The following ANKRD18B variants were observed in gnomAD, a reference collection of about 807,000 sequenced individuals.
ANKRD18B encodes the protein ankyrin repeat domain 18B, also known as ankyrin repeat domain-containing protein 18B.
A neutral mutation model predicts 111.8 loss-of-function variants in ANKRD18B; 75 were observed. That is an observed-to-expected ratio of 0.67 (90% CI 0.56 to 0.81). The LOEUF (loss-of-function observed/expected upper bound fraction) is 0.81. Ranked by LOEUF, ANKRD18B falls within the 40% of genes least tolerant of loss-of-function variation. The pLI, the probability that ANKRD18B is intolerant of heterozygous loss-of-function variation, is 0.00. For synonymous variants in ANKRD18B, 356 were observed against 417.3 expected, an observed-to-expected ratio of 0.85 and a Z score of 1.79; for missense variants, 1,038 against 1,225.5, an observed-to-expected ratio of 0.85 and a Z score of 2.28.
chr9:33,532,358 G>A (rs1733453477), intron 3 of ANKRD18B, among the ~76,000 whole-genome samples: 1 of 151,784 alleles, frequency 6.6e-6, no homozygotes, highest in Non-Finnish European at 1.5e-5. Flanking sequence ...TTTATATTTT[G>A]CCTAAAGTAA....
chr9:33,531,188 T>C (rs1012315487), intron 3 of ANKRD18B, among the ~76,000 whole-genome samples: 4 of 152,214 alleles, frequency 2.6e-5, no homozygotes, highest in African/African-American at 4.8e-5. Context: ...GAAAATTATA[T>C]ACACATAGAT....
intron 11 of ANKRD18B, 149 bp from the exon 12 acceptor site, chr9:33,550,281 G>C (rs1168509445): frequency 2.4e-6 from 2 of 849,500 alleles, no homozygotes; most frequent in Non-Finnish European, 3.5e-6. Flanking sequence ...ACTGAATTCA[G>C]TAATAAAGAA....
chr9:33,548,721 A>G lies in ANKRD18B; in HGVS notation c.1933A>G (p.Ile645Val). ...RKEGDNKEIV[I>V]NIHRDCLENG... ...GGAAGGTGATAATAAAGAGATAGTC[A>G]TTAATATCCACAGAGACTGTCTTGA... is the stretch of plus-strand genomic sequence containing the variant. The change falls in exon 11 of 19, where the codon ATT (isoleucine) becomes GTT (valine). Residue 645 changes from isoleucine (I) to valine (V), a missense_variant. Ile to Val is a conservative substitution (Grantham distance 29). Around this residue, in one of 4 missense-constraint regions of ANKRD18B, gnomAD observed 524 missense variants for 677.9 expected, o/e 0.77. Coordinates refer to ENST00000684830, the MANE Select transcript of ANKRD18B (RefSeq NM_001393611.1). 4 of 1,551,186 alleles carry G rather than the reference A, an allele frequency of 2.6e-6. No homozygotes were observed. Among genetic ancestry groups the G allele is most frequent in the Non-Finnish European group, 3.5e-6 (4 of 1,146,616 alleles).
Position 33,546,491 on chromosome 9 carries a change from A to T in ANKRD18B, c.1150-1447A>T, listed in dbSNP as rs7027301. 5.1e-3 allele frequency among the ~76,000 whole-genome samples: 781 copies of T among 152,224 alleles called. 8 individuals carry two copies. The highest frequency in any genetic ancestry group is 0.018 in the African/African-American group (757 of 41,546). Reference sequence around the variant, plus strand: ...TAAGTAGCGTAACTCCTCAGCCAAAAATTTAGCATTTGACTCTATAGTAGA... The same window carrying T: ...TAAGTAGCGTAACTCCTCAGCCAAATATTTAGCATTTGACTCTATAGTAGA... On this transcript the variant is annotated intron_variant, in intron 10 of 18. Coordinates refer to ENST00000684830, the MANE Select transcript of ANKRD18B (RefSeq NM_001393611.1).
chr9:33,527,781 C>T (rs1828047856), intron 1 of ANKRD18B, among the ~76,000 whole-genome samples: 1 of 152,128 alleles, frequency 6.6e-6, no homozygotes, highest in African/African-American at 2.4e-5. Flanking sequence ...CAGTATTCTA[C>T]TTAATGTAAG....
At position 33,572,322 on chromosome 9, in the gene ANKRD18B, C is replaced by G; in HGVS notation, c.3230C>G (p.Ala1077Gly). 6.2e-7 allele frequency: 1 copy of G among 1,609,630 alleles called. No individual in the cohort carries two copies. The highest frequency in any genetic ancestry group is 8.5e-7 in the Non-Finnish European group (1 of 1,177,304). ...QIITETKKTF[A>G]ALGPCSYLLS... is the part of the protein sequence containing the mutation. ...CCTTTCTTTTTCTTTCCAGCTTTTG[C>G]TGCGTTGGGCCCTTGCTCCTATCTA... is the stretch of plus-strand genomic sequence containing the variant. Residue 1077 changes from alanine to glycine, a missense_variant, in exon 19 of 19, where the codon GCT (alanine) becomes GGT (glycine). By Grantham distance (60) the Ala-to-Gly change is moderately conservative. This residue lies in a region of ANKRD18B where 524 missense variants were observed against 677.9 expected (regional missense o/e 0.77). Transcript: ENST00000684830.
intron 13 of ANKRD18B, 146 bp downstream of exon 13, chr9:33,555,966 C>A: frequency 1.6e-6 from 1 of 618,172 alleles, no homozygotes; most frequent in Non-Finnish European, 2.4e-6. Flanking sequence ...ATTTCAGAAA[C>A]TCACAACACA....
At chr9:33,533,249 G>C (rs1291135768) in intron 3 of ANKRD18B, among the ~76,000 whole-genome samples, 190 bp from the exon 4 acceptor site, 3 of 152,160 alleles carry the variant, frequency 2.0e-5, no homozygotes. Flanking sequence ...AGTTAACATG[G>C]GGAGGCAGAG....
intron 5 of ANKRD18B, 79 bp downstream of exon 5, chr9:33,534,586 G>GGTGAC: frequency 7.0e-7 from 1 of 1,423,064 alleles, no homozygotes; most frequent in East Asian, 2.6e-5. Context: ...TTATACATTA[G>GGTGAC]GTGACAGTTC....
intron 9 of ANKRD18B, among the ~76,000 whole-genome samples, chr9:33,542,154 A>C (rs1293423379): frequency 6.7e-6 from 1 of 150,070 alleles, no homozygotes; most frequent in Non-Finnish European, 1.5e-5. Flanking sequence ...GAACTCAATA[A>C]ATATTTAGTA....
chr9:33,533,315 C>T, intron 3 of ANKRD18B, 124 bp from the exon 4 acceptor site: 1 of 1,465,736 alleles, frequency 6.8e-7, no homozygotes, highest in Non-Finnish European at 9.0e-7. Flanking sequence ...AGGGACGGGA[C>T]TGCTTTGCAT....
chr9:33,524,739 G>T (rs1384157568), intron 1 of ANKRD18B, 44 bp downstream of exon 1: 2 of 1,524,712 alleles, frequency 1.3e-6, no homozygotes, highest in Non-Finnish European at 1.8e-6. Context: ...CCCCAGGCCC[G>T]GTTTCCCCGC....
intron 3 of ANKRD18B, among the ~76,000 whole-genome samples, chr9:33,532,836 A>G (rs1425078910): frequency 1.3e-5 from 2 of 152,226 alleles, no homozygotes; most frequent in African/African-American, 4.8e-5. Context: ...AATGTTTGCC[A>G]CAAAAAGTAT....
At position 33,560,245 on chromosome 9, in the gene ANKRD18B, G is replaced by C. The variant is rs201549498; in HGVS notation, c.2460+2058G>C. Among the ~76,000 whole-genome samples the C allele has an allele frequency of 1.3e-3, 200 of 152,360 alleles. 2 individuals carry two copies. The East Asian group carries it at 0.024, about 18-fold the overall frequency. On this transcript the variant is annotated intron_variant, in intron 14 of 18. Coordinates refer to ENST00000684830, the MANE Select transcript of ANKRD18B (RefSeq NM_001393611.1). ...AAGTGAAAGGGAAGCTCTCAGCAAA[G>C]AGAGGGGTCCTGCAAACAGATTTCC...
At chr9:33,545,763 C>A (rs1828346208) in intron 10 of ANKRD18B, among the ~76,000 whole-genome samples, 1 of 152,122 alleles carries the variant, frequency 6.6e-6, no homozygotes, top group Non-Finnish European at 1.5e-5. Context: ...GAGTTCCTGA[C>A]TTTGAAGAAA....
At chr9:33,533,635 A>G in intron 4 of ANKRD18B, 90 bp downstream of exon 4, 2 of 1,441,692 alleles carry the variant, frequency 1.4e-6, no homozygotes, top group Non-Finnish European at 1.8e-6. Context: ...AAATGTTAAT[A>G]AGATTAAACT....
At chr9:33,539,588 G>A (rs1387044606) in intron 7 of ANKRD18B, 86 bp downstream of exon 7, 1 of 152,990 alleles carries the variant, frequency 6.5e-6, no homozygotes, top group East Asian at 1.9e-4. Flanking sequence ...GCTTGGTAAT[G>A]AGGTGAAAAT....
chr9:33,528,814 C>G lies in ANKRD18B; in HGVS notation c.294C>G (p.Asp98Glu). ...GAAAATGCCAGATCAACATCTGTGACAGACTAAACAGGACACCTTTAATGA... is the reference window on the plus strand; with the variant it reads ...GAAAATGCCAGATCAACATCTGTGAGAGACTAAACAGGACACCTTTAATGA... ...LDRKCQINIC[D>E]RLNRTPLMKA... is the part of the protein sequence containing the mutation. Residue 98 changes from aspartate (D) to glutamate (E), a missense_variant, in exon 2 of 19, where the codon GAC becomes GAG. Physicochemically the swap from Asp to Glu is conservative, Grantham distance 45. Transcript: ENST00000684830. 1 of 1,610,828 alleles carries G rather than the reference C, an allele frequency of 6.2e-7. No individual in the cohort carries two copies. Among genetic ancestry groups the G allele is most frequent in the Non-Finnish European group, 8.5e-7 (1 of 1,178,292 alleles).
rs1165352667 is a variant in ANKRD18B, at chr9:33,533,474, C to T, written c.531C>T (p.Ser177=). Residue 177 remains serine, a synonymous_variant, in exon 4 of 19, where the codon TCC becomes TCT. Transcript: ENST00000684830. The part of the protein sequence containing the change: ...GNTPLLFAIN[S]RRQHMVEFLL... Reference sequence around the variant, plus strand: ...CTCCACTTTTGTTTGCTATAAATTCCAGGAGACAGCATATGGTGGAATTTT... The same window carrying T: ...CTCCACTTTTGTTTGCTATAAATTCTAGGAGACAGCATATGGTGGAATTTT... The T allele has an allele frequency of 2.5e-5, 39 of 1,532,176 alleles. 1 individual carries two copies. In the East Asian group the frequency reaches 8.8e-4, roughly 35 times the overall value. The allele number at this position is 1,532,176 out of a possible 1,614,324, so 94.9% of individuals were successfully genotyped here.
Sources: allele counts gnomAD v4.1 joint callset (sites outside exome capture counted in the v4.1 genomes callset), GRCh38; gene constraint gnomAD v4.1.1; regional missense constraint gnomAD v4.1.1; transcripts MANE v1.5; gene names NCBI Gene and HGNC (gene_info 2026-07-23, HGNC 2026-07-21).